The following WDR70 variants were observed in gnomAD, a reference collection of about 807,000 sequenced individuals.
WDR70 encodes WD repeat-containing protein 70.
A neutral mutation model predicts 88.6 loss-of-function variants in WDR70; 53 were observed. That is an observed-to-expected ratio of 0.60 (90% CI 0.48 to 0.75). WDR70 has a LOEUF of 0.75. WDR70 is among the 30% of genes least tolerant of loss of function. The pLI, the probability that WDR70 is intolerant of heterozygous loss-of-function variation, is 0.00. For synonymous variants in WDR70, 280 were observed against 270.0 expected (o/e 1.04, Z -0.36); for missense variants, 610 against 823.2 (o/e 0.74, Z 3.17).
intron 10 of WDR70, among the ~76,000 whole-genome samples, chr5:37,670,222 A>AG (rs529647795): frequency 0.25 from 37,471 of 152,070 alleles, 5,027 homozygotes; most frequent in East Asian, 0.35. Context: ...AAAGAAAAAA[A>AG]GGGGGAGTAT....
At chr5:37,736,291 A>G (rs1581537333) in intron 17 of WDR70, among the ~76,000 whole-genome samples, 1 of 152,142 alleles carries the variant, frequency 6.6e-6, no homozygotes, top group Non-Finnish European at 1.5e-5. Context: ...CGGTCAACTT[A>G]ATTTTCAGTG....
chr5:37,552,485 G>A (rs1408608470), intron 9 of WDR70, among the ~76,000 whole-genome samples: 1 of 152,174 alleles, frequency 6.6e-6, no homozygotes, highest in Admixed American at 6.5e-5. Flanking sequence ...CAAGCCAGTG[G>A]TAAACTTTCA....
At chr5:37,397,846 A>G (rs909456871) in intron 5 of WDR70, among the ~76,000 whole-genome samples, 1 of 151,980 alleles carries the variant, frequency 6.6e-6, no homozygotes, top group Non-Finnish European at 1.5e-5. Flanking sequence ...TACAAAAATT[A>G]GCCAGGCGTA....
Position 37,530,251 on chromosome 5 carries a change from A to G in WDR70, c.917+13661A>G, listed in dbSNP as rs540106022. Among the ~76,000 whole-genome samples, 5 of 152,030 alleles carry G rather than the reference A, an allele frequency of 3.3e-5. No homozygotes were observed. In the East Asian group the frequency reaches 9.7e-4, roughly 29 times the overall value. On this transcript the variant is annotated intron_variant, in intron 9 of 17. Coordinates refer to ENST00000265107, the MANE Select transcript of WDR70 (RefSeq NM_018034.4). ...TTTAGGGTTTTTACATCTCAGGGAT[A>G]TTGGTCTGCAGTTTTCTTTTTTTGT... is the stretch of plus-strand genomic sequence containing the variant.
intron 9 of WDR70, among the ~76,000 whole-genome samples, chr5:37,594,739 A>G (rs1269436525): frequency 6.6e-6 from 1 of 152,176 alleles, no homozygotes; most frequent in African/African-American, 2.4e-5. Context: ...CAGTATGGCC[A>G]TTTTCACAAT....
intron 5 of WDR70, among the ~76,000 whole-genome samples, chr5:37,401,397 C>T (rs921852584): frequency 6.7e-6 from 1 of 150,226 alleles, no homozygotes; most frequent in Admixed American, 6.7e-5. Flanking sequence ...CTCACTGCAA[C>T]CTCCGCCTCC....
intron 9 of WDR70, among the ~76,000 whole-genome samples, chr5:37,582,218 A>G (rs952699425): frequency 2.0e-5 from 3 of 152,034 alleles, no homozygotes. Context: ...TTCTGGAGTA[A>G]ATTTAAGAGT....
At chr5:37,487,392 C>T (rs1739905476) in intron 8 of WDR70, among the ~76,000 whole-genome samples, 1 of 151,526 alleles carries the variant, frequency 6.6e-6, no homozygotes, top group Non-Finnish European at 1.5e-5. Flanking sequence ...TTTCTGATTT[C>T]AGGAGTAATT....
chr5:37,703,399 G>A (rs1285062934), intron 13 of WDR70, among the ~76,000 whole-genome samples: 1 of 152,180 alleles, frequency 6.6e-6, no homozygotes, highest in Non-Finnish European at 1.5e-5. Context: ...ATCCCACAAT[G>A]GGCATGTTTG....
intron 7 of WDR70, among the ~76,000 whole-genome samples, chr5:37,445,682 C>T (rs1738446481): frequency 6.6e-6 from 1 of 152,140 alleles, no homozygotes; most frequent in South Asian, 2.1e-4. Flanking sequence ...GAACCAAAGA[C>T]AAAAACCACT....
At chr5:37,611,950 T>C (rs1168424144) in intron 10 of WDR70, among the ~76,000 whole-genome samples, 1 of 152,158 alleles carries the variant, frequency 6.6e-6, no homozygotes, top group Non-Finnish European at 1.5e-5. Context: ...TGACCTCCAA[T>C]GGTTAAGACT....
At chr5:37,431,754 T>C (rs962663699) in intron 5 of WDR70, among the ~76,000 whole-genome samples, 3 of 152,200 alleles carry the variant, frequency 2.0e-5, no homozygotes, top group Admixed American at 1.3e-4. Flanking sequence ...CCATTCTGCT[T>C]TCTATCTCTA....
intron 10 of WDR70, among the ~76,000 whole-genome samples, chr5:37,641,716 C>G (rs1291582380): frequency 6.6e-6 from 1 of 152,138 alleles, no homozygotes; most frequent in Non-Finnish European, 1.5e-5. Flanking sequence ...CGCACCTGGC[C>G]TCACATGCTT....
intron 7 of WDR70, 45 bp from the exon 8 acceptor site, chr5:37,479,789 C>G: frequency 6.4e-7 from 1 of 1,555,180 alleles, no homozygotes; most frequent in Non-Finnish European, 8.7e-7. Flanking sequence ...AAATTATAAA[C>G]ATTGTGCTTA....
At chr5:37,751,369 G>A (rs974440933) in intron 17 of WDR70, among the ~76,000 whole-genome samples, 2 of 152,170 alleles carry the variant, frequency 1.3e-5, no homozygotes, top group African/African-American at 4.8e-5. Flanking sequence ...GGTTGTGTAT[G>A]GGGACAGCTT....
chr5:37,589,974 A>G (rs764710344), intron 9 of WDR70, among the ~76,000 whole-genome samples: 3 of 152,198 alleles, frequency 2.0e-5, no homozygotes, highest in Non-Finnish European at 2.9e-5. Flanking sequence ...TATTTGGTTT[A>G]TAAGAGCAGA....
chr5:37,498,248 G>A (rs75695716), intron 8 of WDR70, among the ~76,000 whole-genome samples: 2 of 152,316 alleles, frequency 1.3e-5, no homozygotes, highest in East Asian at 3.9e-4. Context: ...ACTCTCAGTA[G>A]CAGTTGACAC....
intron 10 of WDR70, chr5:37,687,970 T>C (rs924306362): frequency 1.4e-6 from 1 of 690,094 alleles, no homozygotes; most frequent in African/African-American, 1.7e-5. Context: ...CACTGAAGTT[T>C]GTGTGATGTG....
intron 8 of WDR70, among the ~76,000 whole-genome samples, chr5:37,495,592 T>C (rs1227175507): frequency 1.3e-5 from 2 of 152,162 alleles, no homozygotes; most frequent in Non-Finnish European, 2.9e-5. Context: ...CTTAATTCTT[T>C]CTTCTAGGCT....
Sources: gnomAD v4.1 joint callset for allele counts (sites outside exome capture counted in the v4.1 genomes callset) on GRCh38, gnomAD v4.1.1 for gene constraint, MANE v1.5 for transcripts, NCBI Gene and HGNC (gene_info 2026-07-23, HGNC 2026-07-21) for gene names.